Variants in HEPHL1 observed in about 807,000 individuals in gnomAD.
The protein encoded by HEPHL1 is hephaestin like 1, also known as ferroxidase HEPHL1.
HEPHL1 carries 123 observed loss-of-function variants against 122.0 expected under a neutral mutation model. The observed-to-expected ratio is 1.01, with a 90% confidence interval of 0.87 to 1.17. The LOEUF (loss-of-function observed/expected upper bound fraction) is 1.17, where lower values mean the gene tolerates loss of function less well. Ranked by LOEUF, HEPHL1 falls within the 50% of genes most tolerant of loss-of-function variation. The pLI is 0.00. For missense variants in HEPHL1, 1,452 were observed against 1,430.5 expected (o/e 1.01, Z -0.24); for synonymous variants, 527 against 508.9 (o/e 1.04, Z -0.48).
intron 12 of HEPHL1, among the ~76,000 whole-genome samples, chr11:94,089,183 G>T (rs931354195): frequency 1.3e-5 from 2 of 152,220 alleles, no homozygotes; most frequent in African/African-American, 2.4e-5. Flanking sequence ...GCTCTGCTGG[G>T]TGGTCATGGG....
At chr11:94,075,407 GTTC>G (rs1404164741) in intron 9 of HEPHL1, 22 bp downstream of exon 9, 3 of 1,577,124 alleles carry the variant, frequency 1.9e-6, no homozygotes, top group Non-Finnish European at 1.7e-6. Flanking sequence ...AGTGTCACCA[GTTC>G]TTCTCAGGGT....
chr11:94,026,712 T>C (rs1232200731), intron 1 of HEPHL1, among the ~76,000 whole-genome samples: 1 of 152,204 alleles, frequency 6.6e-6, no homozygotes, highest in Non-Finnish European at 1.5e-5. Context: ...TCAGGTGGCA[T>C]CGGGAGGATT....
At chr11:94,109,748 T>A (rs764222714) in intron 17 of HEPHL1, among the ~76,000 whole-genome samples, 1 of 152,204 alleles carries the variant, frequency 6.6e-6, no homozygotes, top group South Asian at 2.1e-4. Flanking sequence ...TATTTTGTTA[T>A]GGATGATGGT....
chr11:94,112,959 T>C lies in HEPHL1; in HGVS notation c.*1065T>C, dbSNP rs118153368. 90 of 152,322 alleles carry C rather than the reference T, an allele frequency of 5.9e-4. 2 individuals carry two copies. The East Asian group carries it at 0.017, about 28-fold the overall frequency. The allele number at this position is 152,322 out of a possible 1,614,324, so 9.4% of individuals were successfully genotyped here. On this transcript the variant is annotated 3_prime_UTR_variant, in exon 20 of 20. Transcript: ENST00000315765. ...AGGGACCTCTAAATATCCTAGATTC[T>C]ATGGCTTTTAAAGACATACCTCTTC...
intron 1 of HEPHL1, among the ~76,000 whole-genome samples, chr11:94,025,514 C>A (rs1315575249): frequency 6.6e-6 from 1 of 152,178 alleles, no homozygotes; most frequent in Non-Finnish European, 1.5e-5. Context: ...CCTTTTTCTT[C>A]CCAGTGAAAT....
intron 9 of HEPHL1, among the ~76,000 whole-genome samples, chr11:94,079,562 C>A (rs1462580904): frequency 6.6e-6 from 1 of 152,100 alleles, no homozygotes; most frequent in Non-Finnish European, 1.5e-5. Flanking sequence ...GGCAGCTAAG[C>A]AGAACCATGA....
At chr11:94,066,007 G>A (rs1946030857) in intron 4 of HEPHL1, among the ~76,000 whole-genome samples, 1 of 151,470 alleles carries the variant, frequency 6.6e-6, no homozygotes, top group African/African-American at 2.4e-5. Context: ...AACATAGGTA[G>A]ATCCGTTATC....
chr11:94,101,650 G>T (rs558846876), intron 14 of HEPHL1, among the ~76,000 whole-genome samples: 2 of 152,188 alleles, frequency 1.3e-5, no homozygotes, highest in East Asian at 3.9e-4. Context: ...TTCAGTATTG[G>T]TGTGTATACT....
At chr11:94,095,347 G>C (rs969351678) in intron 13 of HEPHL1, among the ~76,000 whole-genome samples, 8 of 152,086 alleles carry the variant, frequency 5.3e-5, no homozygotes, top group African/African-American at 1.9e-4. Flanking sequence ...CTGTTCCATT[G>C]GTCTATATCT....
At chr11:94,043,073 C>A (rs755315743) in intron 1 of HEPHL1, among the ~76,000 whole-genome samples, 14 of 151,930 alleles carry the variant, frequency 9.2e-5, no homozygotes, top group African/African-American at 1.5e-4. Context: ...TGATACCTGA[C>A]ACGTGCTTAA....
At position 94,111,791 on chromosome 11, in the gene HEPHL1, T is replaced by G. The variant is rs1209968299; in HGVS notation, c.3377T>G (p.Leu1126Arg). 1 of 1,585,040 alleles carries G rather than the reference T, an allele frequency of 6.3e-7. No homozygotes were observed. The highest frequency in any genetic ancestry group is 8.6e-7 in the Non-Finnish European group (1 of 1,167,520). The change falls in exon 20 of 20, where the codon CTT becomes CGT. Residue 1126 changes from leucine (L) to arginine (R), a missense_variant. By Grantham distance (102) the Leu-to-Arg change is moderately radical (BLOSUM62 -2). Coordinates refer to ENST00000315765, the MANE Select transcript of HEPHL1 (RefSeq NM_001098672.2). ...LVILFIIGLL[L>R]LITTVILSLR... Reference sequence around the variant, plus strand: ...ATCCTTTTCATCATTGGACTCCTCCTTCTAATCACCACGGTGATTCTCTCC... The same window carrying G: ...ATCCTTTTCATCATTGGACTCCTCCGTCTAATCACCACGGTGATTCTCTCC...
intron 2 of HEPHL1, among the ~76,000 whole-genome samples, chr11:94,057,435 G>T (rs1156340716): frequency 6.6e-6 from 1 of 152,000 alleles, no homozygotes; most frequent in African/African-American, 2.4e-5. Flanking sequence ...GGTCTCTGAG[G>T]TTCTGTCCAT....
At position 94,085,980 on chromosome 11, in the gene HEPHL1, T is replaced by C. The variant is rs763540580; in HGVS notation, c.1871T>C (p.Val624Ala). The change falls in exon 11 of 20, where the codon GTT becomes GCT. Residue 624 changes from valine (V) to alanine (A), a missense_variant. Physicochemically the swap from Val to Ala is moderately conservative, Grantham distance 64. Transcript: ENST00000315765. Reference protein sequence around the residue: ...EFVKSNRMHAVNGYMYGNQPG... With the variant: ...EFVKSNRMHAANGYMYGNQPG... ...CCGTCTTTCTTCTTCCATTTAGCTG[T>C]TAACGGCTACATGTATGGCAACCAG... The C allele has an allele frequency of 6.2e-7, 1 of 1,613,148 alleles. No homozygotes were observed. The highest frequency in any genetic ancestry group is 1.1e-5 in the South Asian group (1 of 91,024).
In HEPHL1 at chr11:94,067,557, G is replaced by A. The variant is rs146306268; in HGVS notation, c.870G>A (p.Val290=). 189 of 1,613,630 alleles carry A rather than the reference G, an allele frequency of 1.2e-4. No homozygotes were observed. The East Asian group carries it at 4.1e-3, about 35-fold the overall frequency. The change falls in exon 5 of 20, where the codon GTG becomes GTA. Residue 290 remains valine, a synonymous_variant. Transcript: ENST00000315765. ...PEPDMCVGES[V]SWHLFGMGNE... ...CTGATATGTGTGTTGGAGAATCTGT[G>A]TCCTGGCACCTATTTGGAATGGGGA...
chr11:94,030,960 A>C (rs990522056), intron 1 of HEPHL1, among the ~76,000 whole-genome samples: 2 of 152,176 alleles, frequency 1.3e-5, no homozygotes, highest in Non-Finnish European at 1.5e-5. Context: ...GATAGTGAGC[A>C]GATGCCATGC....
chr11:94,096,031 A>C (rs1014426396), intron 13 of HEPHL1, among the ~76,000 whole-genome samples: 5 of 152,156 alleles, frequency 3.3e-5, no homozygotes, highest in South Asian at 4.2e-4. Context: ...TGCCTAATTG[A>C]CCTGGCCAGA....
At chr11:94,023,180 G>C (rs1171126198) in intron 1 of HEPHL1, among the ~76,000 whole-genome samples, 1 of 152,112 alleles carries the variant, frequency 6.6e-6, no homozygotes, top group African/African-American at 2.4e-5. Flanking sequence ...CATTGCTTTG[G>C]TTCCACAGCC....
chr11:94,108,386 G>T (rs1194786551), intron 17 of HEPHL1, among the ~76,000 whole-genome samples: 1 of 151,974 alleles, frequency 6.6e-6, no homozygotes. Flanking sequence ...CTTTCAAATA[G>T]AAGTTCTTAA....
chr11:94,042,743 T>A (rs61906134), intron 1 of HEPHL1, among the ~76,000 whole-genome samples: 6 of 90,290 alleles, frequency 6.6e-5, no homozygotes, highest in African/African-American at 1.7e-4. Flanking sequence ...GGGGAGGGGG[T>A]AGGGATAGCA....
Sources: allele counts gnomAD v4.1 joint callset (sites outside exome capture counted in the v4.1 genomes callset), GRCh38; gene constraint gnomAD v4.1.1; transcripts MANE v1.5; gene names NCBI Gene and HGNC (gene_info 2026-07-23, HGNC 2026-07-21).